The following RRBP1 variants were observed in gnomAD, a reference collection of about 807,000 sequenced individuals.
RRBP1 encodes ribosome binding protein 1.
RRBP1 carries 94 observed loss-of-function variants against 165.2 expected under a neutral mutation model. The observed-to-expected ratio is 0.57, with a 90% confidence interval of 0.48 to 0.68. The LOEUF (loss-of-function observed/expected upper bound fraction) is 0.68. RRBP1 is among the 30% of genes least tolerant of loss of function. RRBP1 has a pLI of 0.00. For missense variants in RRBP1, 1,676 were observed against 1,763.0 expected (o/e 0.95, Z 0.88); for synonymous variants, 680 against 714.5 (o/e 0.95, Z 0.77).
intron 8 of RRBP1, among the ~76,000 whole-genome samples, chr20:17,630,975 T>G (rs2122309492): frequency 6.6e-6 from 1 of 152,364 alleles, no homozygotes; most frequent in South Asian, 2.1e-4. Flanking sequence ...GGCAGAGGCG[T>G]GGCTGGAGCC....
intron 22 of RRBP1, 91 bp from the exon 23 acceptor site, chr20:17,615,620 G>A: frequency 1.0e-6 from 1 of 980,886 alleles, no homozygotes; most frequent in Non-Finnish European, 1.5e-6. Flanking sequence ...GGACCAGGGG[G>A]CCCCCCCAGC....
intron 2 of RRBP1, among the ~76,000 whole-genome samples, chr20:17,671,351 T>C (rs2036975155): frequency 6.6e-6 from 1 of 152,260 alleles, no homozygotes; most frequent in Non-Finnish European, 1.5e-5. Context: ...TGGACTATTC[T>C]CTTTCGTTTG....
intron 8 of RRBP1, among the ~76,000 whole-genome samples, chr20:17,632,854 G>C (rs1600740288): frequency 6.6e-6 from 1 of 152,262 alleles, no homozygotes; most frequent in East Asian, 1.9e-4. Flanking sequence ...GGGACAGGGG[G>C]ACAATCTTCC....
chr20:17,624,101 TCAGCCAGAGAGAC>T lies in RRBP1; in HGVS notation c.3147+462_3147+474del, dbSNP rs1214614838. Among the ~76,000 whole-genome samples the T allele has an allele frequency of 2.6e-5, 4 of 152,206 alleles. No homozygotes were observed. In the East Asian group the frequency reaches 5.8e-4, roughly 22 times the overall value. ...GTCCCACCCCAGCAGCTCTGTACCC[TCAGCCAGAGAGAC>T]CAGCACGGAGAAGCCCATCAAGGGG... On this transcript the variant is annotated intron_variant, in intron 13 of 24. Coordinates refer to ENST00000377813, the MANE Select transcript of RRBP1 (RefSeq NM_001365613.2).
intron 4 of RRBP1, 33 bp from the exon 5 acceptor site, chr20:17,641,952 G>T: frequency 6.3e-7 from 1 of 1,599,142 alleles, no homozygotes. Context: ...TAACAGAGGG[G>T]ACAAATGGGA....
At position 17,618,644 on chromosome 20, in the gene RRBP1, G is replaced by A. The variant is rs201542267; in HGVS notation, c.3711C>T (p.Leu1237=). 46 of 1,614,018 alleles carry A rather than the reference G, an allele frequency of 2.9e-5. No homozygotes were observed. Among genetic ancestry groups the A allele is most frequent in the Non-Finnish European group, 3.5e-5 (41 of 1,180,022 alleles). Residue 1237 remains leucine (L), a synonymous_variant, in exon 20 of 25, where the codon CTC becomes CTT. Coordinates refer to ENST00000377813, the MANE Select transcript of RRBP1 (RefSeq NM_001365613.2). ...TCTGGGCTTCGCTCTTGGCGGCATC[G>A]AGCTGAGATTGAGATTCTAGGAGAA... ...RQLLLESQSQ[L]DAAKSEAQKQ... is the part of the protein sequence containing the mutation.
intron 3 of RRBP1, among the ~76,000 whole-genome samples, chr20:17,649,229 T>C (rs2036515094): frequency 6.6e-6 from 1 of 152,164 alleles, no homozygotes; most frequent in Admixed American, 6.5e-5. Flanking sequence ...AAAGAAAAAG[T>C]ATCTGACTTG....
intron 9 of RRBP1, among the ~76,000 whole-genome samples, chr20:17,629,574 T>C (rs28426673): frequency 0.015 from 2,196 of 147,406 alleles, 69 homozygotes; most frequent in African/African-American, 0.051. Context: ...CTAGCCCCTG[T>C]AGGTCCCATC....
At chr20:17,671,518 G>A (rs1282059137) in intron 2 of RRBP1, among the ~76,000 whole-genome samples, 5 of 152,118 alleles carry the variant, frequency 3.3e-5, no homozygotes, top group Non-Finnish European at 5.9e-5. Context: ...CTCAAGTCAT[G>A]GGATCCACAT....
At chr20:17,621,804 G>A (rs762755727) in intron 14 of RRBP1, 31 bp from the exon 15 acceptor site, 6 of 1,613,142 alleles carry the variant, frequency 3.7e-6, no homozygotes, top group Non-Finnish European at 4.2e-6. Context: ...TGAGACCCGG[G>A]GACATTCCCT....
chr20:17,624,507 C>G (rs377226961), intron 13 of RRBP1, 69 bp downstream of exon 13: 1 of 1,024,222 alleles, frequency 9.8e-7, no homozygotes, highest in Non-Finnish European at 1.5e-6. Flanking sequence ...TGCATCTGTA[C>G]GTCTTAGTGC....
chr20:17,629,747 C>T, intron 9 of RRBP1, 76 bp downstream of exon 9: 1 of 1,463,612 alleles, frequency 6.8e-7, no homozygotes, highest in East Asian at 2.3e-5. Context: ...AGTTCTGGCA[C>T]TGGCAGTGGG....
intron 12 of RRBP1, 114 bp downstream of exon 12, chr20:17,625,398 A>G: frequency 1.1e-6 from 1 of 892,816 alleles, no homozygotes; most frequent in Non-Finnish European, 1.8e-6. Context: ...GGGTGTAGAA[A>G]CACAAGCTCA....
chr20:17,669,453 C>T (rs1269673598), intron 2 of RRBP1, among the ~76,000 whole-genome samples: 4 of 152,194 alleles, frequency 2.6e-5, no homozygotes, highest in Non-Finnish European at 4.4e-5. Context: ...CAAGGGAGTT[C>T]TTACTGCCGT....
At chr20:17,652,211 T>G (rs1352343681) in intron 3 of RRBP1, among the ~76,000 whole-genome samples, 3 of 152,238 alleles carry the variant, frequency 2.0e-5, no homozygotes, top group Non-Finnish European at 4.4e-5. Context: ...TGCAAAACTT[T>G]CTGCTCTGAC....
chr20:17,626,895 T>A (rs1054530581), intron 11 of RRBP1, among the ~76,000 whole-genome samples: 1 of 152,228 alleles, frequency 6.6e-6, no homozygotes. Context: ...GCTGAGACGC[T>A]GCCAGCTCTG....
chr20:17,674,319 T>C (rs1410404065), intron 2 of RRBP1, among the ~76,000 whole-genome samples: 1 of 152,132 alleles, frequency 6.6e-6, no homozygotes, highest in Non-Finnish European at 1.5e-5. Flanking sequence ...GCCTCAGCCA[T>C]TGCTCCTCCT....
intron 5 of RRBP1, among the ~76,000 whole-genome samples, chr20:17,640,140 A>G (rs1398430875): frequency 2.0e-5 from 3 of 152,194 alleles, no homozygotes; most frequent in Admixed American, 6.5e-5. Context: ...TGGTGAGACC[A>G]CCAGAGTGGG....
chr20:17,637,723 G>A (rs986017680), intron 5 of RRBP1, among the ~76,000 whole-genome samples: 2 of 152,182 alleles, frequency 1.3e-5, no homozygotes, highest in East Asian at 3.9e-4. Flanking sequence ...GTGCTGTTCC[G>A]TGCTCCTGGT....
Sources: allele counts gnomAD v4.1 joint callset (sites outside exome capture counted in the v4.1 genomes callset), GRCh38; gene constraint gnomAD v4.1.1; transcripts MANE v1.5; gene names NCBI Gene and HGNC (gene_info 2026-07-23, HGNC 2026-07-21).